DGLUCY: variants seen among roughly 807,000 people sequenced by gnomAD.
The protein encoded by DGLUCY is D-glutamate cyclase.
In DGLUCY, 58 loss-of-function variants were observed where a neutral mutation model predicts 58.5. That is an observed-to-expected ratio of 0.99 (90% CI 0.80 to 1.23). The LOEUF (loss-of-function observed/expected upper bound fraction) is 1.23. Among genes scored for constraint, DGLUCY ranks in the 50% most tolerant of loss-of-function variants. DGLUCY has a pLI of 0.00. For missense variants in DGLUCY, 779 were observed against 784.7 expected (o/e 0.99, Z 0.09); for synonymous variants, 325 against 314.1 (o/e 1.03, Z -0.37).
At chr14:91,121,563 C>T (rs111307360) in intron 1 of DGLUCY, among the ~76,000 whole-genome samples, 3,688 of 150,950 alleles carry the variant, frequency 0.024, 66 homozygotes, top group South Asian at 0.042. Flanking sequence ...GTGGCGATCG[C>T]GCCACTGCAC....
chr14:91,142,529 T>G (rs1176660084), intron 1 of DGLUCY, among the ~76,000 whole-genome samples: 1 of 152,106 alleles, frequency 6.6e-6, no homozygotes, highest in African/African-American at 2.4e-5. Flanking sequence ...TATCTCTTCC[T>G]GTCCCTCAGG....
chr14:91,070,049 A>G (rs1056836522), intron 1 of DGLUCY, among the ~76,000 whole-genome samples: 3 of 152,218 alleles, frequency 2.0e-5, no homozygotes, highest in African/African-American at 7.2e-5. Context: ...TGATCTACAG[A>G]TAAGGCAAAA....
intron 6 of DGLUCY, among the ~76,000 whole-genome samples, chr14:91,174,553 G>A (rs1015736374): frequency 3.9e-5 from 6 of 152,140 alleles, no homozygotes; most frequent in East Asian, 3.9e-4. Context: ...TGGTCTGCCC[G>A]TCTTGGCCTC....
At chr14:91,066,991 G>A (rs1392513696) in intron 1 of DGLUCY, among the ~76,000 whole-genome samples, 1 of 147,108 alleles carries the variant, frequency 6.8e-6, no homozygotes, top group Non-Finnish European at 1.5e-5. Flanking sequence ...TGAGACAGCA[G>A]AATGGTGTGA....
upstream of DGLUCY, among the ~76,000 whole-genome samples, chr14:91,104,408 C>T (rs1199734928): frequency 1.3e-5 from 2 of 152,050 alleles, no homozygotes; most frequent in East Asian, 3.9e-4. Flanking sequence ...TTGCTACCAG[C>T]ATCAAGTGAG....
intron 1 of DGLUCY, among the ~76,000 whole-genome samples, chr14:91,102,243 G>A (rs577439311): frequency 1.3e-5 from 2 of 152,036 alleles, no homozygotes; most frequent in Non-Finnish European, 2.9e-5. Context: ...TTGACTTTCA[G>A]GCTCCAATGA....
chr14:91,205,754 C>CTCTTCTTCCTCT (rs1884471081), intron 12 of DGLUCY, among the ~76,000 whole-genome samples: 1 of 129,728 alleles, frequency 7.7e-6, no homozygotes, highest in Non-Finnish European at 1.6e-5. Context: ...CCAGGGCATT[C>CTCTTCTTCCTCT]TCTTCTTCTT....
At chr14:91,060,504 T>A in exon 1 of DGLUCY, 1 of 1,259,306 alleles carries the variant, frequency 7.9e-7, no homozygotes, top group South Asian at 3.1e-5. Flanking sequence ...GCCCGTCCCC[T>A]CGCAGCCGCT....
chr14:91,194,004 G>T (rs148195711), intron 9 of DGLUCY, among the ~76,000 whole-genome samples: 1 of 152,026 alleles, frequency 6.6e-6, no homozygotes, highest in African/African-American at 2.4e-5. Flanking sequence ...GTCCTTTCTC[G>T]TGTGTTCCCC....
chr14:91,125,934 A>AACAAC (rs1566952720), intron 1 of DGLUCY, among the ~76,000 whole-genome samples: 1 of 152,208 alleles, frequency 6.6e-6, no homozygotes. Context: ...ACAGTCTCTA[A>AACAAC]AAAACAAAAC....
chr14:91,185,688 C>G (rs1056987424), intron 8 of DGLUCY: 1 of 141,308 alleles, frequency 7.1e-6, no homozygotes, highest in Non-Finnish European at 1.5e-5. Flanking sequence ...ATTATTAACT[C>G]TACCATTAGC....
chr14:91,108,356 C>G (rs1353159620), intron 1 of DGLUCY, among the ~76,000 whole-genome samples: 1 of 151,956 alleles, frequency 6.6e-6, no homozygotes, highest in African/African-American at 2.4e-5. Flanking sequence ...CTCCCTTAAA[C>G]TTTGCACTAG....
chr14:91,137,212 G>T (rs1226330222), intron 1 of DGLUCY, among the ~76,000 whole-genome samples: 2 of 151,276 alleles, frequency 1.3e-5, no homozygotes, highest in Non-Finnish European at 3.0e-5. Context: ...GCCTCAAGGG[G>T]TCCTCCCACC....
At chr14:91,084,392 A>G (rs866864853) in intron 1 of DGLUCY, among the ~76,000 whole-genome samples, 1 of 151,912 alleles carries the variant, frequency 6.6e-6, no homozygotes, top group Admixed American at 6.6e-5. Flanking sequence ...TTTGGTAGAG[A>G]TGGGGTTTCA....
chr14:91,171,016 G>A (rs1309329050), intron 5 of DGLUCY, among the ~76,000 whole-genome samples: 1 of 152,146 alleles, frequency 6.6e-6, no homozygotes, highest in African/African-American at 2.4e-5. Flanking sequence ...GGTGAAGTGT[G>A]CCCGAGCGGT....
At chr14:91,127,960 C>T (rs1032048516) in intron 1 of DGLUCY, among the ~76,000 whole-genome samples, 1 of 151,172 alleles carries the variant, frequency 6.6e-6, no homozygotes, top group Non-Finnish European at 1.5e-5. Flanking sequence ...AATTTCCAGC[C>T]TCATTGAGCA....
chr14:91,135,683 G>T (rs1236253161), intron 1 of DGLUCY, among the ~76,000 whole-genome samples: 3 of 136,288 alleles, frequency 2.2e-5, no homozygotes, highest in Middle Eastern at 4.1e-3. Context: ...AACAAGTATG[G>T]TATAGGCTTT....
intron 1 of DGLUCY, among the ~76,000 whole-genome samples, chr14:91,086,721 AC>A (rs1323217040): frequency 6.6e-6 from 1 of 152,082 alleles, no homozygotes; most frequent in Non-Finnish European, 1.5e-5. Flanking sequence ...AGGGCTAGAC[AC>A]TCAATAAACA....
intron 7 of DGLUCY, among the ~76,000 whole-genome samples, chr14:91,180,571 C>CA (rs1212639674): frequency 0.034 from 2,943 of 85,912 alleles, 47 homozygotes; most frequent in Admixed American, 0.041. Flanking sequence ...GACTCCATCT[C>CA]AAAAAAAAAA....
Sources: allele counts gnomAD v4.1 joint callset (sites outside exome capture counted in the v4.1 genomes callset), GRCh38; gene constraint gnomAD v4.1.1; transcripts MANE v1.5; gene names NCBI Gene and HGNC (gene_info 2026-07-23, HGNC 2026-07-21).